SCFD2: variants seen among roughly 807,000 people sequenced by gnomAD.
SCFD2 encodes the protein sec1 family domain containing 2.
A neutral mutation model predicts 58.9 loss-of-function variants in SCFD2; 54 were observed. That is an observed-to-expected ratio of 0.92 (90% CI 0.74 to 1.15). The LOEUF is 1.15. Among genes scored for constraint, SCFD2 ranks in the 50% most tolerant of loss-of-function variants. SCFD2 has a pLI of 0.00. For missense variants in SCFD2, 805 were observed against 836.6 expected (o/e 0.96, Z 0.47); for synonymous variants, 321 against 335.9 (o/e 0.96, Z 0.49).
In SCFD2 at chr4:53,069,984, A is replaced by G. The variant is rs553860485; in HGVS notation, c.1561+75349T>C. Among the ~76,000 whole-genome samples the G allele has an allele frequency of 2.6e-5, 4 of 152,152 alleles. No homozygotes were observed. In the South Asian group the frequency reaches 8.3e-4, roughly 32 times the overall value. ...TTTTTAAAGTCCTGACATATTTTTT[A>G]TGTTGACAATTAAATTAGTAAGACC... is the stretch of plus-strand genomic sequence containing the variant. On this transcript the variant is annotated intron_variant, in intron 5 of 8. Coordinates refer to ENST00000401642, the MANE Select transcript of SCFD2 (RefSeq NM_152540.4).
At chr4:53,137,212 T>G (rs1459785795) in intron 5 of SCFD2, among the ~76,000 whole-genome samples, 2 of 152,246 alleles carry the variant, frequency 1.3e-5, no homozygotes, top group Non-Finnish European at 2.9e-5. Flanking sequence ...GCAAGTCTTC[T>G]GAGTGGGGCT....
intron 4 of SCFD2, among the ~76,000 whole-genome samples, chr4:53,178,988 C>A (rs1418510803): frequency 6.6e-6 from 1 of 152,158 alleles, no homozygotes; most frequent in South Asian, 2.1e-4. Context: ...CTCTAAGAAA[C>A]ATGGGACTCT....
At chr4:52,880,957 G>A (rs564894360) in intron 8 of SCFD2, among the ~76,000 whole-genome samples, 53 of 152,366 alleles carry the variant, frequency 3.5e-4, no homozygotes, top group South Asian at 2.1e-4. Context: ...GGGCACATGC[G>A]GATCAGAGCA....
intron 7 of SCFD2, among the ~76,000 whole-genome samples, chr4:52,896,168 G>A (rs374328573): frequency 6.6e-6 from 1 of 151,706 alleles, no homozygotes; most frequent in Non-Finnish European, 1.5e-5. Context: ...TTAGTTTAAT[G>A]AGATCCCATT....
chr4:53,227,321 C>T (rs553352522), intron 4 of SCFD2, among the ~76,000 whole-genome samples: 5 of 152,222 alleles, frequency 3.3e-5, no homozygotes, highest in African/African-American at 1.2e-4. Flanking sequence ...ATGGCAATTT[C>T]CTTGATGATT....
At chr4:53,253,677 G>A (rs1187504388) in intron 4 of SCFD2, among the ~76,000 whole-genome samples, 1 of 145,190 alleles carries the variant, frequency 6.9e-6, no homozygotes, top group Non-Finnish European at 1.5e-5. Context: ...CTCATAGATG[G>A]GAATTGAACA....
chr4:53,071,491 C>T (rs1723813563), intron 5 of SCFD2, among the ~76,000 whole-genome samples: 1 of 151,994 alleles, frequency 6.6e-6, no homozygotes, highest in Non-Finnish European at 1.5e-5. Context: ...TTGTAATTAA[C>T]AAATTTTTCT....
chr4:52,911,177 T>C (rs1467847204), intron 6 of SCFD2, among the ~76,000 whole-genome samples: 2 of 152,234 alleles, frequency 1.3e-5, no homozygotes, highest in Admixed American at 6.5e-5. Context: ...CACTATATTC[T>C]GTACCTCCTC....
chr4:53,328,963 C>T (rs1326140641), intron 2 of SCFD2, among the ~76,000 whole-genome samples: 11 of 152,184 alleles, frequency 7.2e-5, no homozygotes, highest in Middle Eastern at 3.2e-3. Context: ...GTTCCCTTTC[C>T]GAGTCAAAGA....
At chr4:53,299,223 G>C (rs1251137676) in intron 3 of SCFD2, among the ~76,000 whole-genome samples, 5 of 152,170 alleles carry the variant, frequency 3.3e-5, no homozygotes, top group African/African-American at 1.2e-4. Flanking sequence ...TGGATAACTA[G>C]AATAACCAAT....
intron 4 of SCFD2, among the ~76,000 whole-genome samples, chr4:53,146,383 A>C (rs1311334163): frequency 6.6e-6 from 1 of 152,180 alleles, no homozygotes; most frequent in Non-Finnish European, 1.5e-5. Context: ...AATATGATTT[A>C]ACTCCTCTTA....
chr4:53,196,103 C>T (rs969977903), intron 4 of SCFD2, among the ~76,000 whole-genome samples: 6 of 152,028 alleles, frequency 3.9e-5, no homozygotes, highest in African/African-American at 1.4e-4. Context: ...ATTCCATTAC[C>T]CTAAGACTTC....
chr4:53,145,544 C>T lies in SCFD2; in HGVS notation c.1350G>A (p.Gln450=), dbSNP rs766530439. The part of the protein sequence containing the change: ...GESAMSVVLN[Q]LLPMIKPVTQ... ...TTACAGGCTTAATCATGGGCAGCAG[C>T]TGATTTAACACAACGGACATTGCTG... Residue 450 remains glutamine (Q), a synonymous_variant, in exon 5 of 9, where the codon CAG becomes CAA. Coordinates refer to ENST00000401642, the MANE Select transcript of SCFD2 (RefSeq NM_152540.4). The T allele has an allele frequency of 6.8e-6, 11 of 1,614,020 alleles. No homozygotes were observed. The highest frequency in any genetic ancestry group is 1.6e-4 in the Middle Eastern group (1 of 6,062).
At chr4:52,971,675 G>C (rs1179970234) in intron 5 of SCFD2, among the ~76,000 whole-genome samples, 3 of 152,150 alleles carry the variant, frequency 2.0e-5, no homozygotes, top group Non-Finnish European at 4.4e-5. Flanking sequence ...ACGCCACAAA[G>C]ATACTCCTTG....
At chr4:53,332,903 C>A (rs1406118199) in intron 2 of SCFD2, among the ~76,000 whole-genome samples, 1 of 151,282 alleles carries the variant, frequency 6.6e-6, no homozygotes, top group Non-Finnish European at 1.5e-5. Flanking sequence ...AGCAAAGTCT[C>A]GGGATACAAA....
At chr4:53,129,271 A>G (rs1725720039) in intron 5 of SCFD2, among the ~76,000 whole-genome samples, 1 of 152,156 alleles carries the variant, frequency 6.6e-6, no homozygotes, top group African/African-American at 2.4e-5. Context: ...ACAGAAAAAA[A>G]TAGAGAAAGG....
At chr4:53,302,787 A>G (rs1469775442) in intron 3 of SCFD2, among the ~76,000 whole-genome samples, 2 of 152,224 alleles carry the variant, frequency 1.3e-5, no homozygotes, top group African/African-American at 4.8e-5. Flanking sequence ...AGCCCTCAGA[A>G]ATAATGCTGC....
In SCFD2 at chr4:53,172,063, T is replaced by C. The variant is rs1479596141; in HGVS notation, c.1312-26481A>G. Among the ~76,000 whole-genome samples, 6 of 151,968 alleles carry C rather than the reference T, an allele frequency of 3.9e-5. No individual in the cohort carries two copies. The East Asian group carries it at 1.2e-3, about 29-fold the overall frequency. On this transcript the variant is annotated intron_variant, in intron 4 of 8. Transcript: ENST00000401642. ...ACTCTGTCACCAGGCTGGAGTGCAG[T>C]GGTGTGATCTTCGGCTCACTGCAAC...
At position 53,032,995 on chromosome 4, in the gene SCFD2, C is replaced by A. The variant is rs533444998; in HGVS notation, c.1562-112125G>T. ...AATAGACATCTACAGAACTCTCCAC[C>A]CCAAATCAACAGAATATATACTCTT... On this transcript the variant is annotated intron_variant, in intron 5 of 8. Coordinates refer to ENST00000401642, the MANE Select transcript of SCFD2 (RefSeq NM_152540.4). Among the ~76,000 whole-genome samples the A allele has an allele frequency of 1.1e-3, 168 of 152,234 alleles. 1 individual carries two copies. The highest frequency in any genetic ancestry group is 3.8e-3 in the African/African-American group (159 of 41,528).
Sources: allele counts gnomAD v4.1 joint callset (sites outside exome capture counted in the v4.1 genomes callset), GRCh38; gene constraint gnomAD v4.1.1; transcripts MANE v1.5; gene names NCBI Gene and HGNC (gene_info 2026-07-23, HGNC 2026-07-21).